Variants in DNAH14 observed in about 807,000 individuals in gnomAD.
DNAH14 encodes dynein axonemal heavy chain 14, also known as axonemal beta dynein heavy chain 14.
Under a neutral mutation model 520.9 loss-of-function variants are expected in DNAH14, and 478 were observed. The observed-to-expected ratio is 0.92, with a 90% CI of 0.85 to 0.99. The LOEUF (loss-of-function observed/expected upper bound fraction) is 0.99, where lower values mean the gene tolerates loss of function less well. DNAH14 is among the 50% of genes least tolerant of loss of function. The pLI is 0.00. For missense variants in DNAH14, 4,831 were observed against 5,234.5 expected, an observed-to-expected ratio of 0.92 and a Z score of 2.38; for synonymous variants, 1,581 against 1,757.2, an observed-to-expected ratio of 0.90 and a Z score of 2.51.
At chr1:225,176,957 C>A (rs2083403316) in intron 36 of DNAH14, among the ~76,000 whole-genome samples, 1 of 152,128 alleles carries the variant, frequency 6.6e-6, no homozygotes, top group South Asian at 2.1e-4. Context: ...GCAGAAGCGA[C>A]TTTGGATCTG....
chr1:224,974,088 C>T lies in DNAH14; in HGVS notation c.768-3C>T, dbSNP rs749476043. 9 of 1,489,298 alleles carry T rather than the reference C, an allele frequency of 6.0e-6. No individual in the cohort carries two copies. Among genetic ancestry groups the T allele is most frequent in the Non-Finnish European group, 7.2e-6 (8 of 1,114,714 alleles). The allele number at this position is 1,489,298 out of a possible 1,614,324, so 92.3% of individuals were successfully genotyped here. A position where few individuals can be genotyped will look rare whatever the true frequency, so the allele number is the denominator to read the frequency against. ...GGAATATAAGAAGCATTTTTCCTTT[C>T]AGAATGAATAAAGCATTTGTTACCT... On this transcript the variant is annotated splice_polypyrimidine_tract_variant and splice_region_variant and intron_variant, in intron 7 of 85. Transcript: ENST00000682510.
At chr1:225,368,221 G>A (rs1412811541) in intron 77 of DNAH14, among the ~76,000 whole-genome samples, 189 bp downstream of exon 77, 1 of 152,178 alleles carries the variant, frequency 6.6e-6, no homozygotes, top group Non-Finnish European at 1.5e-5. Context: ...TCAATTTGCA[G>A]CTCCACCACT....
At chr1:225,240,381 C>T (rs2091899989) in intron 42 of DNAH14, among the ~76,000 whole-genome samples, 1 of 151,076 alleles carries the variant, frequency 6.6e-6, no homozygotes, top group African/African-American at 2.4e-5. Context: ...AAGTTTTATA[C>T]ATATGGTACT....
chr1:225,310,218 G>C (rs1017501984), intron 60 of DNAH14, among the ~76,000 whole-genome samples: 1 of 151,694 alleles, frequency 6.6e-6, no homozygotes, highest in African/African-American at 2.4e-5. Flanking sequence ...ATACCACAAA[G>C]GATAATCTTT....
At chr1:225,161,924 A>G (rs2081556039) in intron 35 of DNAH14, among the ~76,000 whole-genome samples, 1 of 152,176 alleles carries the variant, frequency 6.6e-6, no homozygotes, top group South Asian at 2.1e-4. Context: ...TCAGATGGGT[A>G]GTTTGTAAAT....
At chr1:225,148,327 C>T (rs1336918813) in intron 31 of DNAH14, among the ~76,000 whole-genome samples, 1 of 148,534 alleles carries the variant, frequency 6.7e-6, no homozygotes, top group Non-Finnish European at 1.5e-5. Flanking sequence ...GATAGCCATT[C>T]TGACTGATGT....
intron 23 of DNAH14, among the ~76,000 whole-genome samples, chr1:225,107,324 A>T (rs1298183453): frequency 1.3e-5 from 2 of 152,138 alleles, no homozygotes; most frequent in Non-Finnish European, 2.9e-5. Context: ...GGGATCAGGG[A>T]CCCACTTGAG....
intron 41 of DNAH14, among the ~76,000 whole-genome samples, chr1:225,209,705 T>C (rs998823228): frequency 2.6e-5 from 4 of 152,170 alleles, no homozygotes; most frequent in African/African-American, 7.2e-5. Flanking sequence ...TATATTTAGC[T>C]AATATATGAT....
chr1:225,074,519 A>G (rs935515160), intron 17 of DNAH14, among the ~76,000 whole-genome samples: 4 of 152,204 alleles, frequency 2.6e-5, no homozygotes, highest in Middle Eastern at 3.4e-3. Flanking sequence ...GGAATGGCTA[A>G]GGGGCCCAAA....
At chr1:225,114,512 T>C (rs941701723) in intron 23 of DNAH14, among the ~76,000 whole-genome samples, 2 of 152,184 alleles carry the variant, frequency 1.3e-5, no homozygotes, top group Non-Finnish European at 2.9e-5. Flanking sequence ...CAATAGATCA[T>C]GTGTCCCCCC....
At chr1:225,059,275 A>T (rs1257328602) in intron 17 of DNAH14, among the ~76,000 whole-genome samples, 1 of 152,170 alleles carries the variant, frequency 6.6e-6, no homozygotes, top group Non-Finnish European at 1.5e-5. Flanking sequence ...CTTTACCATT[A>T]TGTAATGGCC....
intron 43 of DNAH14, among the ~76,000 whole-genome samples, chr1:225,246,950 A>G (rs1454714621): frequency 2.0e-5 from 3 of 152,250 alleles, no homozygotes; most frequent in Non-Finnish European, 2.9e-5. Flanking sequence ...AACACTATTC[A>G]CAATAGCAAA....
chr1:225,056,506 T>C (rs1338660994), intron 17 of DNAH14, among the ~76,000 whole-genome samples: 1 of 152,218 alleles, frequency 6.6e-6, no homozygotes, highest in Non-Finnish European at 1.5e-5. Flanking sequence ...TGGTAGTTTC[T>C]TTTGCTGTGC....
intron 54 of DNAH14, among the ~76,000 whole-genome samples, chr1:225,285,735 T>C (rs2093724950): frequency 6.6e-6 from 1 of 151,694 alleles, no homozygotes; most frequent in South Asian, 2.1e-4. Flanking sequence ...CATGTACCTG[T>C]AGTCCCAGCT....
intron 12 of DNAH14, 135 bp from the exon 13 acceptor site, chr1:225,042,700 G>A (rs1410721614): frequency 1.1e-6 from 1 of 900,416 alleles, no homozygotes; most frequent in Non-Finnish European, 1.6e-6. Flanking sequence ...CAAGTGTCAG[G>A]TATTTGGTAA....
chr1:225,262,656 G>A (rs954797945), intron 46 of DNAH14, among the ~76,000 whole-genome samples: 8 of 151,948 alleles, frequency 5.3e-5, no homozygotes, highest in African/African-American at 1.7e-4. Flanking sequence ...TTGGTTGTAA[G>A]TATTTGGCTT....
At chr1:225,000,396 C>G (rs1303859093) in intron 8 of DNAH14, among the ~76,000 whole-genome samples, 1 of 151,582 alleles carries the variant, frequency 6.6e-6, no homozygotes, top group Non-Finnish European at 1.5e-5. Context: ...GTTCCCTTAG[C>G]TTCTTGAATC....
chr1:225,064,725 A>G (rs12075073), intron 17 of DNAH14, among the ~76,000 whole-genome samples: 8,032 of 152,106 alleles, frequency 0.053, 622 homozygotes, highest in African/African-American at 0.17. Flanking sequence ...AATTTAATCT[A>G]TAGCAACAAT....
At chr1:225,143,788 GTTTAT>G (rs1573471368) in intron 28 of DNAH14, among the ~76,000 whole-genome samples, 1 of 152,194 alleles carries the variant, frequency 6.6e-6, no homozygotes, top group East Asian at 1.9e-4. Flanking sequence ...GCTCAAATGT[GTTTAT>G]TTTGAGAATT....
Sources: gnomAD v4.1 joint callset for allele counts (sites outside exome capture counted in the v4.1 genomes callset) on GRCh38, gnomAD v4.1.1 for gene constraint, MANE v1.5 for transcripts, NCBI Gene and HGNC (gene_info 2026-07-23, HGNC 2026-07-21) for gene names.